The following ZMIZ1 variants were observed in gnomAD, a reference collection of about 807,000 sequenced individuals.
ZMIZ1 encodes the protein zinc finger MIZ-type containing 1.
Under a neutral mutation model 113.9 loss-of-function variants are expected in ZMIZ1, and 17 were observed. The ratio of observed to expected loss-of-function variants is 0.15; its 90% CI spans 0.10 to 0.22. The LOEUF is 0.22. ZMIZ1 is among the 10% of genes least tolerant of loss of function. ZMIZ1 has a pLI of 1.00. For missense variants in ZMIZ1, 1,059 were observed against 1,477.8 expected (o/e 0.72, Z 4.65); for synonymous variants, 607 against 603.1 (o/e 1.01, Z -0.09).
intron 1 of ZMIZ1, among the ~76,000 whole-genome samples, chr10:79,099,482 A>G (rs1843282386): frequency 1.3e-5 from 2 of 152,208 alleles, no homozygotes; most frequent in Non-Finnish European, 2.9e-5. Flanking sequence ...GCCTCAGGAA[A>G]GAAGAAGCAA....
intron 7 of ZMIZ1, among the ~76,000 whole-genome samples, chr10:79,246,903 G>T (rs1298266766): frequency 6.6e-6 from 1 of 152,244 alleles, no homozygotes; most frequent in Non-Finnish European, 1.5e-5. Flanking sequence ...GGCAGGAGAG[G>T]CCATGGATGG....
chr10:79,103,274 C>T (rs1843433289), intron 1 of ZMIZ1, among the ~76,000 whole-genome samples: 1 of 150,806 alleles, frequency 6.6e-6, no homozygotes, highest in Non-Finnish European at 1.5e-5. Flanking sequence ...CTGCACGGGG[C>T]TCGAGGGCCG....
At chr10:79,309,350 C>T (rs1490192408) in intron 23 of ZMIZ1, among the ~76,000 whole-genome samples, 3 of 152,212 alleles carry the variant, frequency 2.0e-5, no homozygotes, top group African/African-American at 7.2e-5. Context: ...CTGGGCTGCA[C>T]AGCTGGAGTG....
At chr10:79,285,528 GCCC>G in intron 8 of ZMIZ1, 1 of 456,080 alleles carries the variant, frequency 2.2e-6, no homozygotes, top group Non-Finnish European at 4.4e-6. Context: ...CACTTTCTGG[GCCC>G]CAGTGGCCAT....
At chr10:79,170,133 C>T (rs1009638662) in intron 4 of ZMIZ1, among the ~76,000 whole-genome samples, 3 of 152,296 alleles carry the variant, frequency 2.0e-5, no homozygotes, top group African/African-American at 7.2e-5. Context: ...TGGAGTTGGG[C>T]CTAGGCCTCC....
chr10:79,132,365 TTCTG>T (rs1402196666), intron 2 of ZMIZ1, among the ~76,000 whole-genome samples: 3 of 152,096 alleles, frequency 2.0e-5, no homozygotes, highest in Non-Finnish European at 4.4e-5. Flanking sequence ...CGGCCGGGCT[TTCTG>T]TCTGTCTGAG....
chr10:79,089,949 G>A (rs367831474), intron 1 of ZMIZ1, among the ~76,000 whole-genome samples: 5 of 152,296 alleles, frequency 3.3e-5, no homozygotes, highest in East Asian at 3.9e-4. Flanking sequence ...AAGCTGTCAC[G>A]GTAAATCTAT....
At chr10:79,129,396 G>A (rs1415354592) in intron 2 of ZMIZ1, among the ~76,000 whole-genome samples, 1 of 152,218 alleles carries the variant, frequency 6.6e-6, no homozygotes, top group Non-Finnish European at 1.5e-5. Context: ...GCCTGCCTGA[G>A]TCCACTGGCC....
rs187539594 is a variant in ZMIZ1 at position 79,117,120 on chromosome 10, C to T, written c.-336-1795C>T. 2.2e-3 allele frequency among the ~76,000 whole-genome samples: 341 copies of T among 152,402 alleles called. 2 individuals carry two copies. Among genetic ancestry groups the T allele is most frequent in the African/African-American group, 7.6e-3 (315 of 41,604 alleles). The stretch of plus-strand genomic sequence containing the variant: ...ACCCTCCACTAAGACAGACACCTCC[C>T]TCCATGGCCTGCAGCCTCACAAGAG... On this transcript the variant is annotated intron_variant, in intron 1 of 24. Transcript: ENST00000334512.
chr10:79,164,235 C>T (rs1438805598), intron 4 of ZMIZ1, among the ~76,000 whole-genome samples: 1 of 152,234 alleles, frequency 6.6e-6, no homozygotes, highest in Non-Finnish European at 1.5e-5. Context: ...TGACCATTGG[C>T]TCCCTGTATG....
intron 7 of ZMIZ1, among the ~76,000 whole-genome samples, chr10:79,230,681 AG>A (rs935131323): frequency 3.3e-5 from 5 of 152,178 alleles, no homozygotes; most frequent in African/African-American, 1.2e-4. Context: ...TCCCTGGGGA[AG>A]CCGGGAAGCC....
chr10:79,265,260 G>C (rs1348913877), intron 7 of ZMIZ1, among the ~76,000 whole-genome samples: 1 of 152,060 alleles, frequency 6.6e-6, no homozygotes, highest in African/African-American at 2.4e-5. Context: ...GAGAAGGCAG[G>C]ACCTGCCCAG....
At chr10:79,241,905 C>T (rs192408211) in intron 7 of ZMIZ1, among the ~76,000 whole-genome samples, 29 of 152,150 alleles carry the variant, frequency 1.9e-4, no homozygotes, top group African/African-American at 6.7e-4. Context: ...CAGTCCAATA[C>T]AGAGGAGATT....
rs375034492 is a variant in ZMIZ1, at chr10:79,070,146, C to CGG, written c.-337+884_-337+885dup. Among the ~76,000 whole-genome samples the CGG allele has an allele frequency of 9.4e-4, 38 of 40,250 alleles. 1 individual carries two copies. The highest frequency in any genetic ancestry group is 1.9e-3 in the African/African-American group (34 of 17,696). The allele number at this position is 40,250 out of a possible 152,430, so 26.4% of individuals were successfully genotyped here. On this transcript the variant is annotated intron_variant, in intron 1 of 24. Coordinates refer to ENST00000334512, the MANE Select transcript of ZMIZ1 (RefSeq NM_020338.4). ...GGGGGGCCGGGGCTGGAGCCGGGGT[C>CGG]GGGGGGGGGAGGCGGGTTCTGGAAG...
chr10:79,284,467 C>T (rs746565264), intron 8 of ZMIZ1, among the ~76,000 whole-genome samples: 4 of 152,196 alleles, frequency 2.6e-5, no homozygotes, highest in African/African-American at 7.2e-5. Context: ...GGAATGAAAA[C>T]GGCTCCTCCC....
intron 1 of ZMIZ1, among the ~76,000 whole-genome samples, chr10:79,114,494 C>CGTGTGCGT (rs1843916545): frequency 8.7e-6 from 1 of 114,342 alleles, no homozygotes; most frequent in Non-Finnish European, 1.8e-5. Flanking sequence ...TGTGTGTGTG[C>CGTGTGCGT]GTGTGTGTGT....
chr10:79,304,064 C>T lies in ZMIZ1; in HGVS notation c.2175C>T (p.Leu725=), dbSNP rs1193917823. The change falls in exon 19 of 25, where the codon CTC becomes CTT. Residue 725 remains leucine, a synonymous_variant. Transcript: ENST00000334512. The stretch of plus-strand genomic sequence containing the variant: ...CTGCCTCCTCGGGCAACACGACCCT[C>T]AACGGGGAGGATGGGGTGGAGCAGA... The part of the protein sequence containing the change: ...SVAASSGNTT[L]NGEDGVEQTA... The T allele has an allele frequency of 6.2e-7, 1 of 1,614,242 alleles. No individual in the cohort carries two copies. Among genetic ancestry groups the T allele is most frequent in the South Asian group, 1.1e-5 (1 of 91,088 alleles).
chr10:79,151,560 C>T (rs1409262087), intron 3 of ZMIZ1, among the ~76,000 whole-genome samples: 1 of 152,210 alleles, frequency 6.6e-6, no homozygotes, highest in Non-Finnish European at 1.5e-5. Flanking sequence ...AAGTGGGTGT[C>T]AGCACCAGCT....
intron 4 of ZMIZ1, among the ~76,000 whole-genome samples, chr10:79,182,269 C>T (rs966120817): frequency 6.6e-6 from 1 of 152,224 alleles, no homozygotes; most frequent in Non-Finnish European, 1.5e-5. Flanking sequence ...CTAGGTCACA[C>T]AGCAGTTTAG....
Sources: gnomAD v4.1 joint callset for allele counts (sites outside exome capture counted in the v4.1 genomes callset) on GRCh38, gnomAD v4.1.1 for gene constraint, MANE v1.5 for transcripts, NCBI Gene and HGNC (gene_info 2026-07-23, HGNC 2026-07-21) for gene names.